Variants in PDGFRL observed in about 807,000 individuals in gnomAD.
PDGFRL encodes platelet derived growth factor receptor like.
Under a neutral mutation model 37.2 loss-of-function variants are expected in PDGFRL, and 46 were observed. The ratio of observed to expected loss-of-function variants is 1.24; its 90% CI spans 0.98 to 1.58. The LOEUF is 1.58. Among genes scored for constraint, PDGFRL ranks in the 40% most tolerant of loss-of-function variants. The pLI is 0.00. For missense variants in PDGFRL, 692 were observed against 467.6 expected (o/e 1.48, Z -4.43); for synonymous variants, 251 against 184.3 (o/e 1.36, Z -2.93).
Position 17,596,202 on chromosome 8 carries a change from C to T in PDGFRL, c.353+6437C>T, listed in dbSNP as rs548198474. 3.6e-5 allele frequency: 16 copies of T among 448,850 alleles called. No individual in the cohort carries two copies. The South Asian group carries it at 8.0e-4, about 22-fold the overall frequency. The allele number at this position is 448,850 out of a possible 1,614,324, so 27.8% of individuals were successfully genotyped here. A position where few individuals can be genotyped will look rare whatever the true frequency, so the allele number is the denominator to read the frequency against. ...TAGGAGCCCACATTCAATCCAAGGCCGTCCACTGAGCCCCGTGTGACTCTG... is the reference window on the plus strand; with the variant it reads ...TAGGAGCCCACATTCAATCCAAGGCTGTCCACTGAGCCCCGTGTGACTCTG... On this transcript the variant is annotated intron_variant, in intron 2 of 5. Coordinates refer to ENST00000251630, the MANE Select transcript of PDGFRL (RefSeq NM_001372073.1).
At chr8:17,614,632 G>A (rs1421432084) in intron 2 of PDGFRL, among the ~76,000 whole-genome samples, 2 of 152,210 alleles carry the variant, frequency 1.3e-5, no homozygotes, top group African/African-American at 2.4e-5. Context: ...AGGCTGGAGT[G>A]TAGTGGCACA....
intron 2 of PDGFRL, among the ~76,000 whole-genome samples, chr8:17,597,110 T>G (rs187546607): frequency 1.3e-5 from 2 of 152,304 alleles, no homozygotes; most frequent in East Asian, 3.9e-4. Context: ...AACCTCTACC[T>G]CTCATGTTCA....
intron 2 of PDGFRL, among the ~76,000 whole-genome samples, chr8:17,589,970 G>T (rs1041253823): frequency 7.9e-5 from 12 of 151,892 alleles, no homozygotes; most frequent in Non-Finnish European, 1.0e-4. Flanking sequence ...GGTGGCTCAT[G>T]CCTGTAATCC....
chr8:17,631,204 G>C (rs1804854186), intron 4 of PDGFRL, among the ~76,000 whole-genome samples: 1 of 152,140 alleles, frequency 6.6e-6, no homozygotes, highest in Non-Finnish European at 1.5e-5. Context: ...CTGGAGTGAA[G>C]CACCCTCTTG....
intron 2 of PDGFRL, 61 bp downstream of exon 2, chr8:17,589,826 T>A (rs890008613): frequency 1.0e-6 from 1 of 954,864 alleles, no homozygotes; most frequent in African/African-American, 1.6e-5. Context: ...ACAAAATTCC[T>A]TCTTAACTAT....
intron 1 of PDGFRL, among the ~76,000 whole-genome samples, chr8:17,581,450 T>C (rs1317662154): frequency 6.6e-6 from 1 of 152,114 alleles, no homozygotes; most frequent in Non-Finnish European, 1.5e-5. Flanking sequence ...TAATTTGATT[T>C]ATGTTTTCAA....
intron 3 of PDGFRL, among the ~76,000 whole-genome samples, chr8:17,623,543 G>C (rs1013781849): frequency 6.6e-6 from 1 of 152,172 alleles, no homozygotes; most frequent in Admixed American, 6.5e-5. Flanking sequence ...TCGAGGTTTT[G>C]AACTGCAGGC....
At chr8:17,628,907 G>A in intron 4 of PDGFRL, 127 bp downstream of exon 4, 1 of 654,702 alleles carries the variant, frequency 1.5e-6, no homozygotes, top group South Asian at 2.0e-5. Flanking sequence ...TTGTTGGGTT[G>A]TTGTTGTTTT....
chr8:17,638,757 ATATATATATATATATATAT>A (rs1805027493), intron 5 of PDGFRL, among the ~76,000 whole-genome samples: 2 of 85,952 alleles, frequency 2.3e-5, no homozygotes, highest in South Asian at 6.8e-4. Flanking sequence ...ATATATATAT[ATATATATATATATATATAT>A]ATATATATAT....
rs760769988 is a variant in PDGFRL at position 17,628,598 on chromosome 8, C to T, written c.617C>T (p.Thr206Met). 10 of 1,614,020 alleles carry T rather than the reference C, an allele frequency of 6.2e-6. No individual in the cohort carries two copies. Among genetic ancestry groups the T allele is most frequent in the Admixed American group, 1.7e-5 (1 of 59,998 alleles). Residue 206 changes from threonine (T) to methionine (M), a missense_variant, in exon 4 of 6, where the codon ACG (threonine) becomes ATG (methionine). Transcript: ENST00000251630. ...CRVTVLSAKV[T>M]LHREFPAKEI... ...GTGACCGTGCTGTCGGCCAAAGTCA[C>T]GCTCCACAGGGAATTCCCAGCCAAG...
chr8:17,586,858 C>T (rs1474089764), intron 1 of PDGFRL, among the ~76,000 whole-genome samples: 1 of 152,152 alleles, frequency 6.6e-6, no homozygotes, highest in Non-Finnish European at 1.5e-5. Context: ...AAGTGGCAGG[C>T]CTGGACCTGA....
chr8:17,625,146 A>AT (rs1491169527), intron 3 of PDGFRL, among the ~76,000 whole-genome samples: 1 of 5,348 alleles, frequency 1.9e-4, no homozygotes, highest in Non-Finnish European at 4.4e-4. Context: ...CCCCCCCCGC[A>AT]TTTTTTTGTT....
At chr8:17,589,406 G>C (rs1394064303) in intron 1 of PDGFRL, 62 bp from the exon 2 acceptor site, 1 of 1,244,948 alleles carries the variant, frequency 8.0e-7, no homozygotes, top group East Asian at 2.3e-5. Flanking sequence ...AAAAGTTATT[G>C]GCCTCAAATA....
chr8:17,612,126 A>G (rs1804429868), intron 2 of PDGFRL, among the ~76,000 whole-genome samples: 1 of 152,148 alleles, frequency 6.6e-6, no homozygotes. Context: ...GAACAAAATA[A>G]TACACAGTAG....
intron 2 of PDGFRL, among the ~76,000 whole-genome samples, chr8:17,619,590 G>A (rs779384911): frequency 2.0e-4 from 30 of 152,156 alleles, no homozygotes; most frequent in Non-Finnish European, 4.1e-4. Flanking sequence ...CAGCCAATGC[G>A]TTTTCTTCCT....
intron 2 of PDGFRL, among the ~76,000 whole-genome samples, chr8:17,606,411 G>A (rs1202150638): frequency 1.3e-5 from 2 of 152,162 alleles, no homozygotes; most frequent in African/African-American, 2.4e-5. Flanking sequence ...TCTGGAGCAT[G>A]GGTCCAATTG....
chr8:17,606,878 C>T (rs1249997071), intron 2 of PDGFRL, among the ~76,000 whole-genome samples: 3 of 62,766 alleles, frequency 4.8e-5, no homozygotes, highest in African/African-American at 6.3e-5. Flanking sequence ...GCCAGTTTTT[C>T]GTTTTTTGTT....
intron 5 of PDGFRL, among the ~76,000 whole-genome samples, chr8:17,641,498 G>C (rs1805091964): frequency 6.6e-6 from 1 of 152,178 alleles, no homozygotes; most frequent in Admixed American, 6.5e-5. Context: ...GTTTCACTTG[G>C]CTAGAGTGTT....
intron 2 of PDGFRL, among the ~76,000 whole-genome samples, chr8:17,604,828 G>T (rs1397879166): frequency 6.6e-6 from 1 of 152,130 alleles, no homozygotes; most frequent in Non-Finnish European, 1.5e-5. Flanking sequence ...CAAAGAAAAT[G>T]CATGGCTGGG....
Sources: allele counts gnomAD v4.1 joint callset (sites outside exome capture counted in the v4.1 genomes callset), GRCh38; gene constraint gnomAD v4.1.1; transcripts MANE v1.5; gene names NCBI Gene and HGNC (gene_info 2026-07-23, HGNC 2026-07-21).